Variants in CPEB3 observed in about 807,000 individuals in gnomAD.
CPEB3 encodes the protein cytoplasmic polyadenylation element-binding protein 3.
A neutral mutation model predicts 67.2 loss-of-function variants in CPEB3; 20 were observed. That is an observed-to-expected ratio of 0.30 (90% CI 0.21 to 0.43). The LOEUF is 0.43. Among genes scored for constraint, CPEB3 ranks in the 20% least tolerant of loss-of-function variants. The pLI, the probability that CPEB3 is intolerant of heterozygous loss-of-function variation, is 1.00. For synonymous variants in CPEB3, 376 were observed against 393.1 expected, an observed-to-expected ratio of 0.96 and a Z score of 0.51; for missense variants, 746 against 968.6, an observed-to-expected ratio of 0.77 and a Z score of 3.05.
At chr10:92,290,470 T>C (rs897708880) in intron 1 of CPEB3, among the ~76,000 whole-genome samples, 10 of 152,072 alleles carry the variant, frequency 6.6e-5, no homozygotes, top group Admixed American at 5.2e-4. Context: ...CAAGAGCTGT[T>C]TATTCACCAA....
At chr10:92,249,122 T>A (rs1289980958) in intron 1 of CPEB3, among the ~76,000 whole-genome samples, 1 of 152,196 alleles carries the variant, frequency 6.6e-6, no homozygotes, top group African/African-American at 2.4e-5. Flanking sequence ...CTCATGCCTG[T>A]AATTCTAGCA....
chr10:92,254,824 A>C (rs943226127), intron 1 of CPEB3, among the ~76,000 whole-genome samples: 3 of 151,570 alleles, frequency 2.0e-5, no homozygotes, highest in African/African-American at 7.3e-5. Context: ...ACACCCAGCT[A>C]ATTTTTCTTT....
chr10:92,172,361 G>GA (rs1848043870), intron 4 of CPEB3, among the ~76,000 whole-genome samples: 1 of 152,068 alleles, frequency 6.6e-6, no homozygotes, highest in African/African-American at 2.4e-5. Context: ...GGGTAATGAA[G>GA]AAAAGAAGGC....
At chr10:92,143,857 G>T (rs1846554020) in intron 5 of CPEB3, among the ~76,000 whole-genome samples, 1 of 152,118 alleles carries the variant, frequency 6.6e-6, no homozygotes, top group Non-Finnish European at 1.5e-5. Flanking sequence ...TAAGCATTCA[G>T]CTATGTATAA....
chr10:92,196,263 T>C (rs899535116), intron 2 of CPEB3, among the ~76,000 whole-genome samples: 4 of 152,334 alleles, frequency 2.6e-5, no homozygotes, highest in East Asian at 1.9e-4. Flanking sequence ...CAGGGACTAG[T>C]GTGAGCAGCA....
At chr10:92,276,015 A>AT (rs899766984) in intron 1 of CPEB3, among the ~76,000 whole-genome samples, 28 of 149,986 alleles carry the variant, frequency 1.9e-4, no homozygotes, top group African/African-American at 6.9e-4. Context: ...TGCCTGCCTA[A>AT]TTTTTTGTAT....
chr10:92,252,023 G>C lies in CPEB3; in HGVS notation c.-11-11662C>G, dbSNP rs574139792. ...TCGAATAAAAACTCACAGAATGGGA[G>C]AATATATGCTCTCTCTCTCTATATA... On this transcript the variant is annotated intron_variant, in intron 1 of 9. Transcript: ENST00000265997. Among the ~76,000 whole-genome samples, 53 of 150,746 alleles carry C rather than the reference G, an allele frequency of 3.5e-4. 2 individuals carry two copies. The South Asian group carries it at 0.011, about 31-fold the overall frequency.
rs766102129 is a variant in CPEB3, at chr10:92,180,954, A to G, written c.1222+9T>C. ...CTAATTTAATAGAATATTTCATATG[A>G]AGACTTACTGTTAAGTGCCATAATA... is the stretch of plus-strand genomic sequence containing the variant. On this transcript the variant is annotated intron_variant, in intron 4 of 9. Coordinates refer to ENST00000265997, the MANE Select transcript of CPEB3 (RefSeq NM_014912.5). The G allele has an allele frequency of 9.1e-6, 12 of 1,325,088 alleles. No individual in the cohort carries two copies. The highest frequency in any genetic ancestry group is 1.3e-5 in the Non-Finnish European group (12 of 917,948). The allele number at this position is 1,325,088 out of a possible 1,614,324, so 82.1% of individuals were successfully genotyped here. A position where few individuals can be genotyped will look rare whatever the true frequency, so the allele number is the denominator to read the frequency against.
intron 9 of CPEB3, among the ~76,000 whole-genome samples, chr10:92,065,194 G>A (rs1842499307): frequency 6.6e-6 from 1 of 152,130 alleles, no homozygotes; most frequent in Admixed American, 6.6e-5. Context: ...ACTCAATCAA[G>A]AGAAGAGAAT....
intron 1 of CPEB3, among the ~76,000 whole-genome samples, chr10:92,289,140 G>A (rs765739428): frequency 1.3e-4 from 20 of 152,206 alleles, no homozygotes; most frequent in South Asian, 8.3e-4. Context: ...CTACTCCGGA[G>A]GCTGAGGCAC....
chr10:92,133,938 G>A (rs1258072955), intron 6 of CPEB3, among the ~76,000 whole-genome samples: 13 of 152,200 alleles, frequency 8.5e-5, no homozygotes, highest in African/African-American at 2.9e-4. Flanking sequence ...CTCAATAGAT[G>A]CAGGAAAGGC....
chr10:92,225,782 G>A (rs1157986917), intron 2 of CPEB3, among the ~76,000 whole-genome samples: 1 of 152,118 alleles, frequency 6.6e-6, no homozygotes, highest in Non-Finnish European at 1.5e-5. Context: ...AACATTAAGA[G>A]TATTTGAATC....
chr10:92,069,074 C>A (rs374506906), intron 9 of CPEB3, among the ~76,000 whole-genome samples: 1 of 152,158 alleles, frequency 6.6e-6, no homozygotes, highest in African/African-American at 2.4e-5. Flanking sequence ...GAGAACAGGT[C>A]ATCTCATCCT....
chr10:92,071,146 T>A (rs944205750), intron 9 of CPEB3, among the ~76,000 whole-genome samples: 1 of 151,512 alleles, frequency 6.6e-6, no homozygotes, highest in Non-Finnish European at 1.5e-5. Flanking sequence ...CAGTCAAGAC[T>A]AAAACCCCAG....
intron 1 of CPEB3, among the ~76,000 whole-genome samples, chr10:92,250,498 A>C (rs1852247814): frequency 6.6e-6 from 1 of 152,298 alleles, no homozygotes; most frequent in South Asian, 2.1e-4. Flanking sequence ...TTCTTTTTAT[A>C]AATTTAGTGT....
intron 6 of CPEB3, chr10:92,119,219 T>C (rs79298341): frequency 1.3e-6 from 2 of 1,583,102 alleles, no homozygotes; most frequent in South Asian, 2.2e-5. Context: ...CACCCATCTT[T>C]CTGTTTGTCA....
At chr10:92,289,732 A>AAAAAAAAAAAAAAATAT in intron 1 of CPEB3, among the ~76,000 whole-genome samples, 33 of 75,762 alleles carry the variant, frequency 4.4e-4, no homozygotes, top group Middle Eastern at 9.8e-3. Context: ...AAAAAAAAAA[A>AAAAAAAAAAAAAAATAT]ATATATATAT....
At chr10:92,138,816 C>T (rs1316391534) in intron 6 of CPEB3, among the ~76,000 whole-genome samples, 4 of 152,124 alleles carry the variant, frequency 2.6e-5, no homozygotes, top group Non-Finnish European at 5.9e-5. Flanking sequence ...AAAAATAGAG[C>T]TACCATATGA....
intron 1 of CPEB3, among the ~76,000 whole-genome samples, chr10:92,277,408 A>G: frequency 6.6e-6 from 1 of 152,164 alleles, no homozygotes; most frequent in Middle Eastern, 3.2e-3. Context: ...TCTTTCCTCC[A>G]TTAGATTGTT....
Sources: gnomAD v4.1 joint callset for allele counts (sites outside exome capture counted in the v4.1 genomes callset) on GRCh38, gnomAD v4.1.1 for gene constraint, MANE v1.5 for transcripts, NCBI Gene and HGNC (gene_info 2026-07-23, HGNC 2026-07-21) for gene names.